PCDHA6: variants seen among roughly 807,000 people sequenced by gnomAD.
The protein encoded by PCDHA6 is protocadherin alpha-6.
PCDHA6 carries 55 observed loss-of-function variants against 60.3 expected under a neutral mutation model. That is an observed-to-expected ratio of 0.91 (90% CI 0.73 to 1.14). The LOEUF (loss-of-function observed/expected upper bound fraction) is 1.14. Ranked by LOEUF, PCDHA6 falls within the 50% of genes most tolerant of loss-of-function variation. The pLI is 0.00. For synonymous variants in PCDHA6, 652 were observed against 557.9 expected (o/e 1.17, Z -2.38); for missense variants, 1,327 against 1,256.5 (o/e 1.06, Z -0.85).
chr5:140,916,520 G>C (rs1339531103), intron 1 of PCDHA6, among the ~76,000 whole-genome samples: 1 of 152,112 alleles, frequency 6.6e-6, no homozygotes, highest in African/African-American at 2.4e-5. Context: ...GCCAAGACTG[G>C]GTCCTTCCCA....
chr5:140,977,266 A>G (rs2096753154), intron 1 of PCDHA6, among the ~76,000 whole-genome samples: 3 of 152,240 alleles, frequency 2.0e-5, no homozygotes, highest in Admixed American at 1.3e-4. Context: ...CAGATGTTAC[A>G]GTCTTTCTCA....
At chr5:140,929,250 G>A (rs995042103) in intron 1 of PCDHA6, 2 of 1,613,420 alleles carry the variant, frequency 1.2e-6, no homozygotes, top group Admixed American at 1.7e-5. Flanking sequence ...TTGCCACTGG[G>A]GTAGGACTGA....
intron 1 of PCDHA6, chr5:140,969,383 C>T: frequency 6.3e-6 from 10 of 1,597,986 alleles, no homozygotes; most frequent in African/African-American, 1.3e-5. Context: ...TGTTACACAT[C>T]CCCCAATATC....
intron 1 of PCDHA6, among the ~76,000 whole-genome samples, chr5:140,921,330 C>T (rs1285696901): frequency 6.6e-6 from 1 of 152,026 alleles, no homozygotes; most frequent in Non-Finnish European, 1.5e-5. Flanking sequence ...TCTGTCTGGT[C>T]CAATCACATA....
chr5:140,928,036 G>T, intron 1 of PCDHA6: 1 of 1,614,158 alleles, frequency 6.2e-7, no homozygotes, highest in Non-Finnish European at 8.5e-7. Context: ...CATGTCTAGT[G>T]CAGGCCCTTT....
At chr5:140,851,276 T>C in intron 1 of PCDHA6, 3 of 1,056,768 alleles carry the variant, frequency 2.8e-6, no homozygotes, top group Non-Finnish European at 3.5e-6. Context: ...TTGTATTGTT[T>C]ATAAGAAACC....
rs1770849922 is a variant in PCDHA6, at chr5:140,830,144, GGCGC to G, written c.2054_2057del (p.Gly685AlafsTer15). On this transcript the variant is annotated frameshift_variant, in exon 1 of 4. Transcript: ENST00000529310. LOFTEE classifies it high-confidence loss of function. ...AAAGGCGTCATCACGGGCGTCGGTG[GGCGC>G]CGCGGGCCCAGAGGCGGCGCTGGTG... 6.2e-7 allele frequency: 1 copy of G among 1,613,236 alleles called. No individual in the cohort carries two copies. The highest frequency in any genetic ancestry group is 2.2e-5 in the East Asian group (1 of 44,886).
chr5:140,966,176 T>G (rs2095977016), intron 1 of PCDHA6: 1 of 188,102 alleles, frequency 5.3e-6, no homozygotes, highest in African/African-American at 2.3e-5. Context: ...CCTGGGGAGC[T>G]GATAGCCAGA....
chr5:140,980,878 G>A (rs528577692), intron 2 of PCDHA6, among the ~76,000 whole-genome samples: 6 of 152,118 alleles, frequency 3.9e-5, no homozygotes, highest in East Asian at 1.9e-4. Context: ...GGGTGTTCTC[G>A]GTCTTTCCAG....
chr5:140,844,559 T>A (rs2150371995), intron 1 of PCDHA6, among the ~76,000 whole-genome samples: 6 of 149,706 alleles, frequency 4.0e-5, no homozygotes, highest in African/African-American at 1.5e-4. Flanking sequence ...AGTTGGAATA[T>A]TTTCAATAAT....
intron 2 of PCDHA6, among the ~76,000 whole-genome samples, chr5:140,981,529 G>A (rs1014315292): frequency 3.9e-5 from 6 of 152,196 alleles, no homozygotes; most frequent in East Asian, 1.9e-4. Flanking sequence ...AGCTGAGATC[G>A]TGCCACTGTA....
intron 1 of PCDHA6, chr5:140,852,731 C>G: frequency 1.0e-6 from 1 of 983,362 alleles, no homozygotes; most frequent in Non-Finnish European, 1.2e-6. Context: ...TTTCAAGTTT[C>G]ATGTGCCATT....
At chr5:140,940,731 G>C (rs1195223562) in intron 1 of PCDHA6, among the ~76,000 whole-genome samples, 1 of 152,280 alleles carries the variant, frequency 6.6e-6, no homozygotes, top group South Asian at 2.1e-4. Context: ...CAGCTGGACA[G>C]CTCCATATTT....
intron 1 of PCDHA6, chr5:140,866,098 T>C (rs555628749): frequency 6.6e-6 from 1 of 152,318 alleles, no homozygotes; most frequent in African/African-American, 2.4e-5. Context: ...AATTGTTAAG[T>C]AATTAAGAGT....
rs142047105 is a variant in PCDHA6, at chr5:140,842,697, A to T, written c.2394+12212A>T. 6.3e-6 allele frequency: 10 copies of T among 1,595,144 alleles called. 2 individuals are homozygous for T. The highest frequency in any genetic ancestry group is 8.6e-6 in the Non-Finnish European group (10 of 1,165,510). On this transcript the variant is annotated intron_variant, in intron 1 of 3. Transcript: ENST00000529310. ...AATGCTCCGGCGTTCGCGCAGCCCG[A>T]GTACACGGTGTTCGTGAAGGAGAAC... is the stretch of plus-strand genomic sequence containing the variant.
intron 1 of PCDHA6, chr5:140,864,826 T>C (rs1297675845): frequency 6.6e-6 from 1 of 152,188 alleles, no homozygotes; most frequent in African/African-American, 2.4e-5. Flanking sequence ...ATTTGGGCTT[T>C]AAGTATAAGA....
At chr5:140,830,696 C>T (rs2150102603) in intron 1 of PCDHA6, 2 of 283,892 alleles carry the variant, frequency 7.0e-6, no homozygotes, top group East Asian at 1.4e-4. Flanking sequence ...CAATCTGCAC[C>T]TCAGAATTTT....
At chr5:140,965,973 G>A (rs1234636252) in intron 1 of PCDHA6, among the ~76,000 whole-genome samples, 6 of 152,194 alleles carry the variant, frequency 3.9e-5, no homozygotes, top group African/African-American at 1.4e-4. Flanking sequence ...TGCCCTAGGA[G>A]TTGAGCACTT....
At chr5:140,843,497 C>G (rs1229435401) in intron 1 of PCDHA6, 5 of 1,596,022 alleles carry the variant, frequency 3.1e-6, no homozygotes, top group Non-Finnish European at 4.3e-6. Context: ...GTGCTCAGCA[C>G]TGCCCACTGA....
Sources: allele counts gnomAD v4.1 joint callset (sites outside exome capture counted in the v4.1 genomes callset), GRCh38; gene constraint gnomAD v4.1.1; transcripts MANE v1.5; gene names NCBI Gene and HGNC (gene_info 2026-07-23, HGNC 2026-07-21).